The following TTBK2 variants were observed in gnomAD, a reference collection of about 807,000 sequenced individuals.
The protein encoded by TTBK2 is tau-tubulin kinase 2.
In TTBK2, 28 loss-of-function variants were observed where a neutral mutation model predicts 110.8. That is an observed-to-expected ratio of 0.25 (90% CI 0.19 to 0.35). The LOEUF (loss-of-function observed/expected upper bound fraction) is 0.35. TTBK2 is among the 10% of genes least tolerant of loss of function. TTBK2 has a pLI of 1.00. For synonymous variants in TTBK2, 532 were observed against 527.3 expected, an observed-to-expected ratio of 1.01 and a Z score of -0.12; for missense variants, 1,369 against 1,500.3, an observed-to-expected ratio of 0.91 and a Z score of 1.45.
chr15:42,767,887 A>G (rs1258833108), intron 13 of TTBK2, among the ~76,000 whole-genome samples: 1 of 152,254 alleles, frequency 6.6e-6, no homozygotes, highest in Non-Finnish European at 1.5e-5. Context: ...AACCGAATCC[A>G]GCAGCACGTC....
chr15:42,848,139 CTAA>C (rs1382993123), intron 3 of TTBK2, among the ~76,000 whole-genome samples: 2 of 152,118 alleles, frequency 1.3e-5, no homozygotes, highest in Non-Finnish European at 2.9e-5. Context: ...ATGGCTCAAA[CTAA>C]TAACATGCCT....
chr15:42,775,685 T>A lies in TTBK2; in HGVS notation c.1448A>T (p.Glu483Val). 1 of 1,613,332 alleles carries A rather than the reference T, an allele frequency of 6.2e-7. No individual in the cohort carries two copies. Among genetic ancestry groups the A allele is most frequent in the Non-Finnish European group, 8.5e-7 (1 of 1,179,854 alleles). Residue 483 changes from glutamate to valine, a missense_variant, in exon 13 of 15, where the codon GAA (glutamate) becomes GTA (valine). By Grantham distance (121) the Glu-to-Val change is moderately radical. This residue lies in a region of TTBK2 where 1,097 missense variants were observed against 1,114.7 expected (regional missense o/e 0.98). Transcript: ENST00000267890. ...ATGCAGCAGAGCAGGGAGAATAGAT[T>A]CTTTTCCTGCACTGGTATCTTTCTG... ...KMQKDTSAGK[E>V]SILPALLHKP... is the part of the protein sequence containing the mutation.
At chr15:42,753,643 C>T (rs1204446825) in intron 13 of TTBK2, among the ~76,000 whole-genome samples, 1 of 152,148 alleles carries the variant, frequency 6.6e-6, no homozygotes, top group Non-Finnish European at 1.5e-5. Flanking sequence ...TCCTTGCTTC[C>T]CCACTGAGGA....
rs574340489 is a variant in TTBK2 at position 42,746,088 on chromosome 15, G to A, written c.3442C>T (p.Arg1148Cys). The A allele has an allele frequency of 2.4e-5, 38 of 1,614,098 alleles. No homozygotes were observed. The highest frequency in any genetic ancestry group is 1.6e-4 in the Middle Eastern group (1 of 6,062). The change falls in exon 15 of 15, where the codon CGC becomes TGC. Residue 1148 changes from arginine to cysteine, a missense_variant. Physicochemically the swap from Arg to Cys is radical, Grantham distance 180 (BLOSUM62 -3). Around this residue, in one of 4 missense-constraint regions of TTBK2, gnomAD observed 1,097 missense variants for 1,114.7 expected, o/e 0.98. Transcript: ENST00000267890. ...CGAGGAGAGGCACTGGGACTCCTGC[G>A]AGGGACAACTGGACTCTTGGGTGGT... ...KTPPKSPVVP[R>C]RSPSASPRSS...
chr15:42,815,954 A>ATATATATATATATATATATATATATATTT (rs1393860735), intron 7 of TTBK2, among the ~76,000 whole-genome samples: 1 of 53,376 alleles, frequency 1.9e-5, no homozygotes, highest in Non-Finnish European at 3.2e-5. Context: ...ATATTTAAAA[A>ATATATATATATATATATATATATATATTT]AAAAATATAT....
At chr15:42,802,395 C>A in intron 9 of TTBK2, 1 of 753,486 alleles carries the variant, frequency 1.3e-6, no homozygotes, top group South Asian at 1.3e-5. Context: ...TCCGGGTCAC[C>A]CTGATGGACA....
chr15:42,801,569 T>C (rs1161699422), intron 9 of TTBK2: 4 of 768,880 alleles, frequency 5.2e-6, no homozygotes, highest in Non-Finnish European at 9.6e-6. Flanking sequence ...CTTGATCTAG[T>C]ACATGCTCTC....
intron 1 of TTBK2, among the ~76,000 whole-genome samples, chr15:42,915,795 A>C (rs1179152184): frequency 1.3e-5 from 2 of 152,152 alleles, no homozygotes; most frequent in Non-Finnish European, 2.9e-5. Context: ...AAAAATTGTA[A>C]AATTAGCCAA....
chr15:42,795,162 G>A (rs557132154), intron 9 of TTBK2, among the ~76,000 whole-genome samples: 1 of 151,978 alleles, frequency 6.6e-6, no homozygotes, highest in South Asian at 2.1e-4. Flanking sequence ...AACAAAACAA[G>A]GACTTTTTAT....
chr15:42,908,847 T>A (rs571793834), intron 1 of TTBK2, among the ~76,000 whole-genome samples: 16 of 152,290 alleles, frequency 1.1e-4, no homozygotes, highest in African/African-American at 3.6e-4. Flanking sequence ...TGTCCATAAA[T>A]GGTAAAAACT....
At chr15:42,895,682 C>T (rs989232866) in intron 1 of TTBK2, among the ~76,000 whole-genome samples, 72 of 151,890 alleles carry the variant, frequency 4.7e-4, no homozygotes, top group African/African-American at 1.7e-3. Flanking sequence ...GGATTACAGG[C>T]GCCTGCCACC....
chr15:42,784,758 G>A (rs1423287755), intron 10 of TTBK2, among the ~76,000 whole-genome samples: 2 of 152,080 alleles, frequency 1.3e-5, no homozygotes, highest in South Asian at 2.1e-4. Flanking sequence ...AGAGGTTGGG[G>A]GTTTTATTAG....
At chr15:42,867,429 A>G (rs894956164) in intron 3 of TTBK2, among the ~76,000 whole-genome samples, 7 of 152,144 alleles carry the variant, frequency 4.6e-5, no homozygotes, top group African/African-American at 9.7e-5. Context: ...AATATTTGCA[A>G]AAGACCTATA....
At chr15:42,900,208 G>A (rs2029907306) in intron 1 of TTBK2, among the ~76,000 whole-genome samples, 1 of 151,668 alleles carries the variant, frequency 6.6e-6, no homozygotes, top group South Asian at 2.1e-4. Flanking sequence ...GGTCAGGCTT[G>A]TCTCAAAACT....
chr15:42,830,054 G>T lies in TTBK2; in HGVS notation c.316C>A (p.Arg106Ser). 4 of 1,614,052 alleles carry T rather than the reference G, an allele frequency of 2.5e-6. No individual in the cohort carries two copies. The highest frequency in any genetic ancestry group is 3.4e-6 in the Non-Finnish European group (4 of 1,180,008). Residue 106 changes from arginine (R) to serine (S), a missense_variant, in exon 5 of 15, where the codon CGT becomes AGT. Physicochemically the swap from Arg to Ser is moderately radical, Grantham distance 110. This residue lies in a region of TTBK2 where 122 missense variants were observed against 159.7 expected (regional missense o/e 0.76). Coordinates refer to ENST00000267890, the MANE Select transcript of TTBK2 (RefSeq NM_173500.4). ...LQGRNLADLR[R>S]SQSRGTFTIS... ...GTGAATGTGCCTCGGGACTGGCTACGGCGAAGATCTGCCAGATTCCGACCC... is the reference window on the plus strand; with the variant it reads ...GTGAATGTGCCTCGGGACTGGCTACTGCGAAGATCTGCCAGATTCCGACCC...
At chr15:42,842,231 A>T (rs1427235800) in intron 3 of TTBK2, among the ~76,000 whole-genome samples, 2 of 152,108 alleles carry the variant, frequency 1.3e-5, no homozygotes, top group Non-Finnish European at 2.9e-5. Flanking sequence ...AGCAAAAATA[A>T]GAGTCCCTCA....
chr15:42,885,580 G>A (rs556945224), intron 1 of TTBK2, among the ~76,000 whole-genome samples: 136 of 152,280 alleles, frequency 8.9e-4, no homozygotes, highest in African/African-American at 3.2e-3. Flanking sequence ...ACGTTTCAGA[G>A]GTGTCTGACC....
chr15:42,878,782 C>G (rs1044430603), intron 1 of TTBK2, 98 bp from the exon 2 acceptor site: 2 of 1,414,726 alleles, frequency 1.4e-6, no homozygotes, highest in South Asian at 2.6e-5. Flanking sequence ...ATACTATACA[C>G]TAATTAGGCT....
chr15:42,880,843 A>G (rs1895009710), intron 1 of TTBK2, among the ~76,000 whole-genome samples: 2 of 152,158 alleles, frequency 1.3e-5, no homozygotes, highest in African/African-American at 4.8e-5. Flanking sequence ...ATAAAGGACA[A>G]TCTCTAAAAA....
Sources: allele counts gnomAD v4.1 joint callset (sites outside exome capture counted in the v4.1 genomes callset), GRCh38; gene constraint gnomAD v4.1.1; regional missense constraint gnomAD v4.1.1; transcripts MANE v1.5; gene names NCBI Gene and HGNC (gene_info 2026-07-23, HGNC 2026-07-21).